Variants in FTO observed in about 807,000 individuals in gnomAD.
FTO encodes the protein alpha-ketoglutarate-dependent dioxygenase FTO.
A neutral mutation model predicts 63.9 loss-of-function variants in FTO; 47 were observed. The observed-to-expected ratio is 0.74, with a 90% confidence interval of 0.58 to 0.94. FTO has a LOEUF of 0.94. Ranked by LOEUF, FTO falls within the 40% of genes least tolerant of loss-of-function variation. The pLI is 0.00. For synonymous variants in FTO, 207 were observed against 224.4 expected (o/e 0.92, Z 0.69); for missense variants, 562 against 618.1 (o/e 0.91, Z 0.96).
chr16:53,739,620 A>G (rs1315940473), intron 1 of FTO, among the ~76,000 whole-genome samples: 3 of 152,182 alleles, frequency 2.0e-5, no homozygotes, highest in Non-Finnish European at 4.4e-5. Context: ...ATTCAAAACC[A>G]CAGATTATCC....
At chr16:54,060,136 A>G (rs1039912679) in intron 8 of FTO, among the ~76,000 whole-genome samples, 63 of 152,164 alleles carry the variant, frequency 4.1e-4, no homozygotes, top group Non-Finnish European at 2.1e-4. Context: ...TAACGTGACC[A>G]TTTCATATGC....
chr16:53,864,951 A>T (rs1308455512), intron 4 of FTO, among the ~76,000 whole-genome samples: 1 of 152,194 alleles, frequency 6.6e-6, no homozygotes, highest in African/African-American at 2.4e-5. Context: ...AAGGATTTAA[A>T]TGAAGGTGGA....
intron 1 of FTO, among the ~76,000 whole-genome samples, chr16:53,711,667 A>G (rs1206460509): frequency 6.6e-6 from 1 of 152,252 alleles, no homozygotes; most frequent in Non-Finnish European, 1.5e-5. Context: ...TGGATGTTGA[A>G]ATCCAAGTTA....
chr16:53,785,199 G>T (rs575615544), intron 1 of FTO, among the ~76,000 whole-genome samples: 2 of 152,244 alleles, frequency 1.3e-5, no homozygotes, highest in South Asian at 4.1e-4. Flanking sequence ...CACTGTCTGG[G>T]GAGTCAGTGA....
At chr16:54,011,794 A>G (rs1326012498) in intron 8 of FTO, among the ~76,000 whole-genome samples, 3 of 152,178 alleles carry the variant, frequency 2.0e-5, no homozygotes, top group Non-Finnish European at 4.4e-5. Flanking sequence ...GATCTTTCAT[A>G]TTACTATTGT....
intron 8 of FTO, among the ~76,000 whole-genome samples, chr16:54,040,973 T>G (rs1403646008): frequency 6.6e-6 from 1 of 152,252 alleles, no homozygotes; most frequent in African/African-American, 2.4e-5. Flanking sequence ...AGTGTACAGC[T>G]ATTAGTAAAA....
At chr16:53,793,839 C>T (rs528018977) in intron 1 of FTO, among the ~76,000 whole-genome samples, 9 of 152,272 alleles carry the variant, frequency 5.9e-5, no homozygotes, top group East Asian at 5.8e-4. Context: ...CCCAGATTCA[C>T]GGTCTTTATA....
chr16:53,828,029 T>A (rs1447217833), intron 3 of FTO, among the ~76,000 whole-genome samples: 1 of 152,202 alleles, frequency 6.6e-6, no homozygotes, highest in Admixed American at 6.5e-5. Flanking sequence ...ATCAAGTAGT[T>A]TTTGAAACCT....
At chr16:54,003,654 C>T (rs139273087) in intron 8 of FTO, among the ~76,000 whole-genome samples, 300 of 152,268 alleles carry the variant, frequency 2.0e-3, no homozygotes, top group African/African-American at 6.9e-3. Context: ...CTGTGCCCAA[C>T]CTCCCCATAT....
chr16:54,023,442 C>T (rs1419730354), intron 8 of FTO, among the ~76,000 whole-genome samples: 1 of 152,170 alleles, frequency 6.6e-6, no homozygotes, highest in Non-Finnish European at 1.5e-5. Context: ...TAATTTATTC[C>T]TTAATGCTAT....
At chr16:53,760,717 C>A (rs1412307275) in intron 1 of FTO, among the ~76,000 whole-genome samples, 2 of 149,374 alleles carry the variant, frequency 1.3e-5, no homozygotes, top group East Asian at 4.0e-4. Context: ...ACCTCCGCCT[C>A]CCAGGTTCAA....
chr16:53,980,823 G>A (rs963777342), intron 8 of FTO, among the ~76,000 whole-genome samples: 1 of 152,018 alleles, frequency 6.6e-6, no homozygotes, highest in South Asian at 2.1e-4. Flanking sequence ...TTTAATAGCG[G>A]CATTGTTTCT....
intron 8 of FTO, chr16:53,984,852 T>C (rs1417257414): frequency 6.8e-6 from 3 of 444,116 alleles, no homozygotes; most frequent in Middle Eastern, 6.7e-4. Flanking sequence ...TTGGTGTCTT[T>C]TGGATTGTTT....
intron 8 of FTO, among the ~76,000 whole-genome samples, chr16:53,952,324 GAAGA>G (rs2082820067): frequency 6.6e-6 from 1 of 152,132 alleles, no homozygotes; most frequent in Non-Finnish European, 1.5e-5. Flanking sequence ...GTTCTCTAAA[GAAGA>G]AAGGTGGAGA....
chr16:53,855,026 TTTATTA>T (rs2079941772), intron 4 of FTO, among the ~76,000 whole-genome samples: 1 of 133,048 alleles, frequency 7.5e-6, no homozygotes, highest in South Asian at 2.2e-4. Context: ...TTCTAGGTAC[TTTATTA>T]TTATTATTTT....
chr16:53,973,664 CAA>C (rs1209931818), intron 8 of FTO, among the ~76,000 whole-genome samples: 1 of 151,868 alleles, frequency 6.6e-6, no homozygotes, highest in Non-Finnish European at 1.5e-5. Flanking sequence ...TCTGGGGTTT[CAA>C]ATTCAGTTGC....
intron 1 of FTO, among the ~76,000 whole-genome samples, chr16:53,707,000 G>T (rs1440000699): frequency 6.6e-6 from 1 of 152,124 alleles, no homozygotes; most frequent in South Asian, 2.1e-4. Context: ...CTTAGTTATA[G>T]GGGAGTTCTT....
intron 8 of FTO, among the ~76,000 whole-genome samples, chr16:53,979,738 C>T (rs902152016): frequency 1.3e-5 from 2 of 152,148 alleles, no homozygotes; most frequent in African/African-American, 4.8e-5. Flanking sequence ...CAAAAAGAGA[C>T]CAAAGTCTCT....
intron 8 of FTO, among the ~76,000 whole-genome samples, chr16:54,019,160 G>A (rs142296748): frequency 1.1e-3 from 162 of 152,240 alleles, no homozygotes; most frequent in African/African-American, 3.8e-3. Context: ...TTCTTCTTGT[G>A]TCTCCTTCTT....
Sources: gnomAD v4.1 joint callset for allele counts (sites outside exome capture counted in the v4.1 genomes callset) on GRCh38, gnomAD v4.1.1 for gene constraint, MANE v1.5 for transcripts, NCBI Gene and HGNC (gene_info 2026-07-23, HGNC 2026-07-21) for gene names.